Variants in SRGAP1 observed in about 807,000 individuals in gnomAD.
SRGAP1 encodes SLIT-ROBO Rho GTPase activating protein 1, also known as SLIT-ROBO Rho GTPase-activating protein 1.
Under a neutral mutation model 121.9 loss-of-function variants are expected in SRGAP1, and 43 were observed. The ratio of observed to expected loss-of-function variants is 0.35; its 90% confidence interval spans 0.28 to 0.46. The LOEUF (loss-of-function observed/expected upper bound fraction) is 0.46, where lower values mean the gene tolerates loss of function less well. SRGAP1 is among the 20% of genes least tolerant of loss of function. The pLI, the probability that SRGAP1 is intolerant of heterozygous loss-of-function variation, is 1.00. For synonymous variants in SRGAP1, 447 were observed against 485.4 expected (o/e 0.92, Z 1.04); for missense variants, 1,102 against 1,350.9 (o/e 0.82, Z 2.89).
intron 6 of SRGAP1, among the ~76,000 whole-genome samples, chr12:64,057,163 A>T (rs567727269): frequency 4.6e-5 from 7 of 152,038 alleles, no homozygotes; most frequent in South Asian, 4.2e-4. Context: ...CATGCAACTC[A>T]CTCCTCCTAT....
Position 64,146,309 on chromosome 12 carries a change from T to G in SRGAP1, c.*3637T>G, listed in dbSNP as rs1045589492. 2.6e-5 allele frequency: 4 copies of G among 151,996 alleles called. No individual in the cohort carries two copies. Among genetic ancestry groups the G allele is most frequent in the Non-Finnish European group, 5.9e-5 (4 of 67,932 alleles). The allele number at this position is 151,996 out of a possible 1,614,324, so 9.4% of individuals were successfully genotyped here. A position where few individuals can be genotyped will look rare whatever the true frequency, so the allele number is the denominator to read the frequency against. ...TGCAATGATCGTGAACAGTTATCAG[T>G]GGATATAGTGCTCCAAGAGTCAAAT... On this transcript the variant is annotated 3_prime_UTR_variant, in exon 22 of 22. Coordinates refer to ENST00000355086, the MANE Select transcript of SRGAP1 (RefSeq NM_020762.4).
chr12:63,949,513 T>C (rs905233532), intron 1 of SRGAP1, among the ~76,000 whole-genome samples: 9 of 150,986 alleles, frequency 6.0e-5, no homozygotes, highest in African/African-American at 1.7e-4. Flanking sequence ...CTGCAAACTC[T>C]GCCTCCCGGG....
rs1020118675 is a variant in SRGAP1, at chr12:64,146,952, AT to A, written c.*4284del. ...CCTGTGTCTTTAAATTACGTAGGGA[AT>A]TTTGTATGTTTAAATAATTGTACTG... is the stretch of plus-strand genomic sequence containing the variant. On this transcript the variant is annotated 3_prime_UTR_variant, in exon 22 of 22. Coordinates refer to ENST00000355086, the MANE Select transcript of SRGAP1 (RefSeq NM_020762.4). 29 of 152,090 alleles carry A rather than the reference AT, an allele frequency of 1.9e-4. 1 individual carries two copies. Among genetic ancestry groups the A allele is most frequent in the Non-Finnish European group, 1.5e-5 (1 of 68,070 alleles). 9.4% of individuals were successfully genotyped at this position (152,090 alleles called of 1,614,324 possible). A position where few individuals can be genotyped will look rare whatever the true frequency, so the allele number is the denominator to read the frequency against.
chr12:63,896,921 A>G (rs1030534849), intron 1 of SRGAP1, among the ~76,000 whole-genome samples: 8 of 152,184 alleles, frequency 5.3e-5, no homozygotes, highest in African/African-American at 1.9e-4. Flanking sequence ...CATTTAGAAA[A>G]TACTTTACCC....
chr12:63,855,547 G>A (rs913666148), intron 1 of SRGAP1, among the ~76,000 whole-genome samples: 2 of 127,758 alleles, frequency 1.6e-5, no homozygotes, highest in Admixed American at 9.9e-5. Flanking sequence ...GGGTGCAGTG[G>A]CACCATCTCT....
chr12:64,072,106 CTCTG>C lies in SRGAP1; in HGVS notation c.1126-6811_1126-6808del, dbSNP rs1423979787. On this transcript the variant is annotated intron_variant, in intron 8 of 21. Coordinates refer to ENST00000355086, the MANE Select transcript of SRGAP1 (RefSeq NM_020762.4). ...TAATTACGGAGTTGACCCAATCTCT[CTCTG>C]TGTGTGTGTGTGTGTGTGTGTGTGT... is the stretch of plus-strand genomic sequence containing the variant. Among the ~76,000 whole-genome samples, 164 of 37,802 alleles carry C rather than the reference CTCTG, an allele frequency of 4.3e-3. 1 individual carries two copies. In the East Asian group the frequency reaches 0.087, roughly 20 times the overall value. The allele number at this position is 37,802 out of a possible 152,430, so 24.8% of individuals were successfully genotyped here. A position where few individuals can be genotyped will look rare whatever the true frequency, so the allele number is the denominator to read the frequency against.
intron 6 of SRGAP1, among the ~76,000 whole-genome samples, chr12:64,045,517 C>T (rs1009089321): frequency 6.6e-6 from 1 of 151,716 alleles, no homozygotes; most frequent in Non-Finnish European, 1.5e-5. Context: ...CTCACTGCAA[C>T]CTCGGCCTCC....
At chr12:63,867,402 T>C (rs1046926118) in intron 1 of SRGAP1, among the ~76,000 whole-genome samples, 2 of 152,244 alleles carry the variant, frequency 1.3e-5, no homozygotes, top group Admixed American at 6.5e-5. Context: ...GTCTTTCAAA[T>C]GGAATAGTGG....
chr12:64,131,237 A>G (rs1417114538), intron 21 of SRGAP1, among the ~76,000 whole-genome samples: 2 of 152,204 alleles, frequency 1.3e-5, no homozygotes, highest in African/African-American at 4.8e-5. Context: ...CTCACATGGT[A>G]TACAAATATC....
At chr12:63,848,787 T>G (rs1898985714) in intron 1 of SRGAP1, among the ~76,000 whole-genome samples, 1 of 152,256 alleles carries the variant, frequency 6.6e-6, no homozygotes, top group African/African-American at 2.4e-5. Flanking sequence ...CATAAAATTT[T>G]CAAGCTTTTA....
At position 64,148,376 on chromosome 12, in the gene SRGAP1, G is replaced by C. The variant is rs1295071996; in HGVS notation, c.*5704G>C. The stretch of plus-strand genomic sequence containing the variant: ...AGCTCACTGCAACCTCCCCCTCCTG[G>C]ATTCAAGCGATTCTCCTGCCTCAGC... On this transcript the variant is annotated 3_prime_UTR_variant, in exon 22 of 22. Coordinates refer to ENST00000355086, the MANE Select transcript of SRGAP1 (RefSeq NM_020762.4). 1 of 150,590 alleles carries C rather than the reference G, an allele frequency of 6.6e-6. No individual in the cohort carries two copies. The highest frequency in any genetic ancestry group is 6.6e-5 in the Admixed American group (1 of 15,086). The allele number at this position is 150,590 out of a possible 1,614,324, so 9.3% of individuals were successfully genotyped here. A position where few individuals can be genotyped will look rare whatever the true frequency, so the allele number is the denominator to read the frequency against.
At chr12:64,097,477 C>T (rs2036181236) in intron 15 of SRGAP1, 102 bp downstream of exon 15, 2 of 1,193,612 alleles carry the variant, frequency 1.7e-6, no homozygotes, top group Non-Finnish European at 2.3e-6. Context: ...ACCCCCATTA[C>T]CCCATTACCA....
At chr12:63,952,495 A>G (rs541420546) in intron 1 of SRGAP1, among the ~76,000 whole-genome samples, 4 of 152,262 alleles carry the variant, frequency 2.6e-5, no homozygotes, top group South Asian at 4.2e-4. Context: ...AGCCCAGGCA[A>G]TAGAGTAAGA....
chr12:64,139,305 G>A (rs2036919435), intron 21 of SRGAP1, among the ~76,000 whole-genome samples: 1 of 152,202 alleles, frequency 6.6e-6, no homozygotes, highest in Admixed American at 6.5e-5. Flanking sequence ...GACTTAAACT[G>A]AATTTCGAAG....
intron 1 of SRGAP1, among the ~76,000 whole-genome samples, chr12:63,957,708 G>A (rs1053498073): frequency 2.6e-5 from 4 of 152,156 alleles, no homozygotes; most frequent in African/African-American, 7.2e-5. Flanking sequence ...CATACGGGCC[G>A]ATAGAGGCAG....
At chr12:63,911,675 G>T (rs766224419) in intron 1 of SRGAP1, among the ~76,000 whole-genome samples, 2 of 152,216 alleles carry the variant, frequency 1.3e-5, no homozygotes, top group Non-Finnish European at 2.9e-5. Context: ...AATGCTCAGT[G>T]AACTCTTGAC....
intron 2 of SRGAP1, among the ~76,000 whole-genome samples, chr12:63,985,576 A>G (rs1269776636): frequency 6.6e-6 from 1 of 152,214 alleles, no homozygotes; most frequent in East Asian, 1.9e-4. Context: ...ACTCTCAGAA[A>G]TGCTGGTTAA....
At chr12:63,998,817 G>T (rs2033790975) in intron 3 of SRGAP1, among the ~76,000 whole-genome samples, 1 of 152,092 alleles carries the variant, frequency 6.6e-6, no homozygotes, top group Non-Finnish European at 1.5e-5. Context: ...AAACAGAGAA[G>T]AATACATAGT....
In SRGAP1 at chr12:64,045,991, C is replaced by G. The variant is rs147681167; in HGVS notation, c.801+2416C>G. ...TGCCATACAGAAAAATGAAACAGAG[C>G]TATGGATGTGGTTCTTTTGATGGGG... is the stretch of plus-strand genomic sequence containing the variant. On this transcript the variant is annotated intron_variant, in intron 6 of 21. Transcript: ENST00000355086. 3.0e-3 allele frequency among the ~76,000 whole-genome samples: 459 copies of G among 152,064 alleles called. 3 individuals carry two copies. Among genetic ancestry groups the G allele is most frequent in the Non-Finnish European group, 3.5e-3 (241 of 67,982 alleles).
Sources: gnomAD v4.1 joint callset for allele counts (sites outside exome capture counted in the v4.1 genomes callset) on GRCh38, gnomAD v4.1.1 for gene constraint, MANE v1.5 for transcripts, NCBI Gene and HGNC (gene_info 2026-07-23, HGNC 2026-07-21) for gene names.